TRHDE: variants seen among roughly 807,000 people sequenced by gnomAD.
TRHDE encodes the protein thyrotropin releasing hormone degrading enzyme.
In TRHDE, 72 loss-of-function variants were observed where a neutral mutation model predicts 125.7. That is an observed-to-expected ratio of 0.57 (90% CI 0.47 to 0.70). TRHDE has a LOEUF of 0.70. TRHDE is among the 30% of genes least tolerant of loss of function. TRHDE has a pLI of 0.00. For synonymous variants in TRHDE, 509 were observed against 509.1 expected, an observed-to-expected ratio of 1.00 and a Z score of 0.00; for missense variants, 1,110 against 1,327.1, an observed-to-expected ratio of 0.84 and a Z score of 2.54.
intron 1 of TRHDE, among the ~76,000 whole-genome samples, chr12:72,089,115 C>A (rs1005194965): frequency 5.3e-5 from 8 of 152,116 alleles, no homozygotes; most frequent in African/African-American, 1.4e-4. Context: ...CACTTGAAGT[C>A]ATCTGTACTG....
chr12:72,243,181 GGACTTCCTGCGAT>G (rs1256726279), intron 2 of TRHDE, among the ~76,000 whole-genome samples: 14 of 152,294 alleles, frequency 9.2e-5, no homozygotes, highest in Non-Finnish European at 1.3e-4. Flanking sequence ...CCCTACTTCA[GGACTTCCTGCGAT>G]GAATGCTACT....
chr12:72,484,502 CTGTT>C (rs1263141638), intron 5 of TRHDE, among the ~76,000 whole-genome samples: 5 of 152,138 alleles, frequency 3.3e-5, no homozygotes, highest in African/African-American at 9.7e-5. Flanking sequence ...AGATTAGAGA[CTGTT>C]TGTTTCACCA....
intron 2 of TRHDE, among the ~76,000 whole-genome samples, chr12:72,129,268 T>A (rs1305554894): frequency 2.0e-5 from 3 of 152,132 alleles, no homozygotes; most frequent in African/African-American, 7.2e-5. Context: ...CTCAAAGAAT[T>A]TATTCAGGTG....
At chr12:72,183,627 G>GC (rs1487292322) in intron 2 of TRHDE, among the ~76,000 whole-genome samples, 2 of 152,108 alleles carry the variant, frequency 1.3e-5, no homozygotes, top group Admixed American at 1.3e-4. Context: ...ACTTCATTAA[G>GC]CACCATAATA....
At chr12:72,622,030 TCTG>T (rs1219549863) in intron 15 of TRHDE, among the ~76,000 whole-genome samples, 2 of 152,134 alleles carry the variant, frequency 1.3e-5, no homozygotes, top group African/African-American at 4.8e-5. Flanking sequence ...TTTTGAAAGC[TCTG>T]CTATCTCATA....
At chr12:72,419,236 T>C (rs2135824314) in intron 3 of TRHDE, among the ~76,000 whole-genome samples, 1 of 152,298 alleles carries the variant, frequency 6.6e-6, no homozygotes, top group East Asian at 1.9e-4. Context: ...GGTCTATTTA[T>C]CCAGGAAGTT....
chr12:72,121,608 T>C (rs1875583990), intron 2 of TRHDE, among the ~76,000 whole-genome samples: 1 of 152,164 alleles, frequency 6.6e-6, no homozygotes, highest in African/African-American at 2.4e-5. Context: ...GGAGAGGTGA[T>C]GGTAGCTATT....
intron 3 of TRHDE, among the ~76,000 whole-genome samples, chr12:72,414,896 C>T (rs971938428): frequency 5.9e-5 from 9 of 152,092 alleles, no homozygotes; most frequent in Middle Eastern, 3.4e-3. Context: ...GAAAAAACTG[C>T]GATTCAGAAA....
intron 1 of TRHDE, among the ~76,000 whole-genome samples, chr12:72,286,133 G>A (rs186808686): frequency 1.8e-4 from 28 of 152,334 alleles, no homozygotes; most frequent in African/African-American, 6.7e-4. Flanking sequence ...AGGTGGCATA[G>A]CTAAGAAAGT....
At chr12:72,614,524 T>A (rs1003970600) in intron 12 of TRHDE, among the ~76,000 whole-genome samples, 1 of 151,930 alleles carries the variant, frequency 6.6e-6, no homozygotes, top group Non-Finnish European at 1.5e-5. Flanking sequence ...AATAAACTTT[T>A]TAATTAAGCA....
intron 1 of TRHDE, among the ~76,000 whole-genome samples, chr12:72,286,341 A>G (rs1459256733): frequency 2.6e-5 from 4 of 152,204 alleles, no homozygotes; most frequent in African/African-American, 9.7e-5. Flanking sequence ...GAAGAAAGTG[A>G]AGCACACTGA....
In TRHDE at chr12:72,155,603, T is replaced by TTC. The variant is rs1876484873; in HGVS notation, n.279+49853_279+49854dup. ...TGTCCTTTCTGTTTGTTAGTTTTCT[T>TTC]TCTAACAGTCAGGACCCTCAGCTGC... On this transcript the variant is annotated intron_variant and non_coding_transcript_variant, in intron 2 of 4. Transcript: ENST00000548156. 2.6e-5 allele frequency among the ~76,000 whole-genome samples: 4 copies of TTC among 152,306 alleles called. No homozygotes were observed. In the East Asian group the frequency reaches 7.7e-4, roughly 29 times the overall value.
intron 2 of TRHDE, among the ~76,000 whole-genome samples, chr12:72,237,870 T>C (rs927873900): frequency 2.0e-5 from 3 of 152,104 alleles, no homozygotes; most frequent in Non-Finnish European, 4.4e-5. Context: ...ATGTGGGATC[T>C]GGAAAAGAGC....
chr12:72,419,103 A>G (rs780535192), intron 3 of TRHDE, among the ~76,000 whole-genome samples: 12 of 152,200 alleles, frequency 7.9e-5, no homozygotes, highest in Non-Finnish European at 1.6e-4. Context: ...TTTGCCATCC[A>G]AGAGTTAATG....
At chr12:72,293,890 C>T (rs561616443) in intron 2 of TRHDE, among the ~76,000 whole-genome samples, 4 of 152,270 alleles carry the variant, frequency 2.6e-5, no homozygotes, top group East Asian at 3.9e-4. Flanking sequence ...AGGTGTGGAA[C>T]GGTGAGGGGT....
At chr12:72,349,556 G>A (rs948541963) in intron 2 of TRHDE, among the ~76,000 whole-genome samples, 11 of 147,556 alleles carry the variant, frequency 7.5e-5, no homozygotes, top group Non-Finnish European at 1.6e-4. Context: ...TTTTTTGGGC[G>A]GGGGGGTGGT....
At chr12:72,297,464 G>C (rs1880343739) in intron 2 of TRHDE, among the ~76,000 whole-genome samples, 2 of 152,188 alleles carry the variant, frequency 1.3e-5, no homozygotes, top group South Asian at 4.1e-4. Context: ...GGAGTGAGCA[G>C]AAAGTAAAGT....
chr12:72,628,474 A>G (rs1306425269), intron 15 of TRHDE, among the ~76,000 whole-genome samples: 1 of 151,886 alleles, frequency 6.6e-6, no homozygotes, highest in Non-Finnish European at 1.5e-5. Flanking sequence ...GATTGGGCAG[A>G]ATCCGTACTG....
intron 2 of TRHDE, chr12:72,255,315 C>T (rs1190154423): frequency 2.0e-5 from 3 of 152,238 alleles, no homozygotes; most frequent in African/African-American, 7.2e-5. Context: ...TCCACTGCGT[C>T]CTCAGCTGCA....
Sources: allele counts gnomAD v4.1 joint callset (sites outside exome capture counted in the v4.1 genomes callset), GRCh38; gene constraint gnomAD v4.1.1; transcripts MANE v1.5; gene names NCBI Gene and HGNC (gene_info 2026-07-23, HGNC 2026-07-21).